MAL: variants seen among roughly 807,000 people sequenced by gnomAD.
MAL encodes the protein mal, T cell differentiation protein (MAL blood group).
A neutral mutation model predicts 16.7 loss-of-function variants in MAL; 5 were observed. The observed-to-expected ratio is 0.30, with a 90% CI of 0.16 to 0.63. MAL has a LOEUF of 0.63. Ranked by LOEUF, MAL falls within the 30% of genes least tolerant of loss-of-function variation. The pLI, the probability that MAL is intolerant of heterozygous loss-of-function variation, is 0.82. For synonymous variants in MAL, 96 were observed against 85.5 expected (o/e 1.12, Z -0.67); for missense variants, 202 against 195.8 (o/e 1.03, Z -0.19).
chr2:95,047,950 C>A lies in MAL; in HGVS notation c.94-9C>A, dbSNP rs1269841711. Reference sequence around the variant, plus strand: ...TAGGCCAAAACTCACCCCTCCTCCTCCCCCGCAGATCTTCGGGGGCCTGGT... The same window carrying A: ...TAGGCCAAAACTCACCCCTCCTCCTACCCCGCAGATCTTCGGGGGCCTGGT... On this transcript the variant is annotated splice_polypyrimidine_tract_variant and intron_variant, in intron 1 of 3. Transcript: ENST00000309988. The A allele has an allele frequency of 1.2e-6, 2 of 1,612,126 alleles. No individual in the cohort carries two copies. The highest frequency in any genetic ancestry group is 1.7e-6 in the Non-Finnish European group (2 of 1,179,126).
intron 1 of MAL, among the ~76,000 whole-genome samples, chr2:95,028,776 A>G (rs2104326823): frequency 6.6e-6 from 1 of 152,372 alleles, no homozygotes; most frequent in African/African-American, 2.4e-5. Flanking sequence ...TGAAAACTCT[A>G]TGCTAAGCAA....
At chr2:95,026,797 T>C (rs542241469) in intron 1 of MAL, 54 of 152,284 alleles carry the variant, frequency 3.5e-4, no homozygotes, top group African/African-American at 1.3e-3. Flanking sequence ...GGACACCTTT[T>C]CCGGCACCCC....
chr2:95,040,375 G>A (rs1674430398), intron 1 of MAL, among the ~76,000 whole-genome samples: 1 of 151,572 alleles, frequency 6.6e-6, no homozygotes, highest in Non-Finnish European at 1.5e-5. Flanking sequence ...GCACATGCAT[G>A]CACATATACA....
At chr2:95,032,276 C>T (rs1160484724) in intron 1 of MAL, among the ~76,000 whole-genome samples, 2 of 152,286 alleles carry the variant, frequency 1.3e-5, no homozygotes, top group African/African-American at 2.4e-5. Flanking sequence ...CACAGACTAG[C>T]TCTGCACAGC....
rs1337948993 is a variant in MAL, at chr2:95,053,771, G to A, written c.*316G>A. 6 of 338,280 alleles carry A rather than the reference G, an allele frequency of 1.8e-5. No individual in the cohort carries two copies. Among genetic ancestry groups the A allele is most frequent in the Non-Finnish European group, 3.3e-5 (6 of 181,082 alleles). 21.0% of individuals were successfully genotyped at this position (338,280 alleles called of 1,614,324 possible). A position where few individuals can be genotyped will look rare whatever the true frequency, so the allele number is the denominator to read the frequency against. ...GGAAGTGGCGACCGTGACCTGAGAA[G>A]GAAAGAAAGATCCTCTGCTGACCCC... On this transcript the variant is annotated 3_prime_UTR_variant, in exon 4 of 4. Transcript: ENST00000309988.
chr2:95,025,849 C>G lies in MAL; in HGVS notation c.57C>G (p.Phe19Leu). Reference protein sequence around the residue: ...GSTLPSGFSVFTTLPDLLFIF... With the variant: ...GSTLPSGFSVLTTLPDLLFIF... The stretch of plus-strand genomic sequence containing the variant: ...CCCTGCCCAGTGGCTTCTCGGTCTT[C>G]ACCACCTTGCCCGACTTGCTCTTCA... The change falls in exon 1 of 4, where the codon TTC becomes TTG. Residue 19 changes from phenylalanine to leucine, a missense_variant. Physicochemically the swap from Phe to Leu is conservative, Grantham distance 22. Transcript: ENST00000309988. This position sits in a 1 kb window ranked among gnomAD's most constrained non-coding sequence, Gnocchi z 5.6. The G allele has an allele frequency of 3.2e-6, 5 of 1,578,844 alleles. No homozygotes were observed. The highest frequency in any genetic ancestry group is 4.3e-6 in the Non-Finnish European group (5 of 1,163,372).
intron 1 of MAL, among the ~76,000 whole-genome samples, chr2:95,038,768 CTGAG>C (rs545853876): frequency 1.1e-3 from 153 of 133,128 alleles, no homozygotes; most frequent in African/African-American, 4.1e-3. Context: ...GAGTGAGTGA[CTGAG>C]TGAGTGAGCA....
chr2:95,038,816 C>CTGAG (rs753293970), intron 1 of MAL, among the ~76,000 whole-genome samples: 1 of 118,030 alleles, frequency 8.5e-6, no homozygotes, highest in African/African-American at 3.3e-5. Flanking sequence ...GACCGAGTGA[C>CTGAG]TGAGTGAGTG....
At chr2:95,026,982 C>A (rs1673958243) in intron 1 of MAL, among the ~76,000 whole-genome samples, 1 of 152,120 alleles carries the variant, frequency 6.6e-6, no homozygotes, top group Non-Finnish European at 1.5e-5. Flanking sequence ...AAGAGGGCTG[C>A]GGCGGCCTGG....
At chr2:95,036,609 G>GTGAA (rs532346812) in intron 1 of MAL, among the ~76,000 whole-genome samples, 3 of 152,244 alleles carry the variant, frequency 2.0e-5, no homozygotes, top group East Asian at 1.9e-4. Flanking sequence ...AAATGCGTGA[G>GTGAA]TGAATGAATG....
intron 1 of MAL, among the ~76,000 whole-genome samples, chr2:95,030,059 C>T (rs751746226): frequency 8.5e-5 from 13 of 152,160 alleles, no homozygotes; most frequent in Admixed American, 2.6e-4. Flanking sequence ...CAAGCTGATC[C>T]GGGTGGAGCG....
At chr2:95,037,384 TTGAC>T (rs1482801362) in intron 1 of MAL, among the ~76,000 whole-genome samples, 33 of 44,840 alleles carry the variant, frequency 7.4e-4, no homozygotes, top group Admixed American at 1.5e-3. Flanking sequence ...GACTGAGTGA[TTGAC>T]TGAGTGAGTG....
intron 3 of MAL, chr2:95,053,000 GTC>G (rs1057327934): frequency 1.9e-4 from 36 of 193,176 alleles, no homozygotes; most frequent in African/African-American, 7.9e-4. Context: ...GAGGGCGCTG[GTC>G]TCACTGGTGT....
intron 1 of MAL, among the ~76,000 whole-genome samples, chr2:95,039,558 GAGTGACTGAGTGAGTC>G (rs1173615770): frequency 1.3e-5 from 2 of 151,558 alleles, no homozygotes; most frequent in African/African-American, 4.9e-5. Flanking sequence ...CTTGGTAAGT[GAGTGACTGAGTGAGTC>G]AGTGACTGAG....
At chr2:95,039,622 G>T (rs1326513543) in intron 1 of MAL, among the ~76,000 whole-genome samples, 1 of 150,828 alleles carries the variant, frequency 6.6e-6, no homozygotes, top group Non-Finnish European at 1.5e-5. Flanking sequence ...GTGACAGTGG[G>T]TGAGTGAGTG....
chr2:95,032,454 G>A (rs1383942831), intron 1 of MAL, among the ~76,000 whole-genome samples: 1 of 152,212 alleles, frequency 6.6e-6, no homozygotes, highest in African/African-American at 2.4e-5. Flanking sequence ...CTTCCTCCTG[G>A]CCCCTCCAGT....
intron 1 of MAL, among the ~76,000 whole-genome samples, chr2:95,029,712 A>T (rs765708290): frequency 1.3e-5 from 2 of 152,092 alleles, no homozygotes; most frequent in Non-Finnish European, 2.9e-5. Flanking sequence ...CCAGGAGCAG[A>T]TTTACTGGGA....
At chr2:95,048,957 C>T (rs1674651706) in intron 2 of MAL, among the ~76,000 whole-genome samples, 1 of 152,166 alleles carries the variant, frequency 6.6e-6, no homozygotes, top group South Asian at 2.1e-4. Flanking sequence ...GCTGGGACTA[C>T]AGGCATGTGC....
rs1674772664 is a variant in MAL at position 95,053,717 on chromosome 2, G to A, written c.*262G>A. On this transcript the variant is annotated 3_prime_UTR_variant, in exon 4 of 4. Coordinates refer to ENST00000309988, the MANE Select transcript of MAL (RefSeq NM_002371.4). The stretch of plus-strand genomic sequence containing the variant: ...TGTCTGCTAGGGTCACCTCCTGTTT[G>A]TGAAAGGGGACCTTCTTGTTCGGGG... The A allele has an allele frequency of 2.2e-6, 1 of 455,290 alleles. No individual in the cohort carries two copies. The highest frequency in any genetic ancestry group is 3.9e-6 in the Non-Finnish European group (1 of 253,482). 28.2% of individuals were successfully genotyped at this position (455,290 alleles called of 1,614,324 possible).
Sources: gnomAD v4.1 joint callset for allele counts (sites outside exome capture counted in the v4.1 genomes callset) on GRCh38, gnomAD v4.1.1 for gene constraint, Gnocchi (gnomAD v3.1) non-coding constraint, MANE v1.5 for transcripts, NCBI Gene and HGNC (gene_info 2026-07-23, HGNC 2026-07-21) for gene names.